The following CNTN5 variants were observed in gnomAD, a reference collection of about 807,000 sequenced individuals.
The protein encoded by CNTN5 is contactin-5.
In CNTN5, 77 loss-of-function variants were observed where a neutral mutation model predicts 129.1. That is an observed-to-expected ratio of 0.60 (90% confidence interval 0.50 to 0.72). The LOEUF is 0.72. Ranked by LOEUF, CNTN5 falls within the 30% of genes least tolerant of loss-of-function variation. The pLI, the probability that CNTN5 is intolerant of heterozygous loss-of-function variation, is 0.00. For missense variants in CNTN5, 1,478 were observed against 1,328.8 expected (o/e 1.11, Z -1.75); for synonymous variants, 509 against 465.6 (o/e 1.09, Z -1.20).
intron 3 of CNTN5, among the ~76,000 whole-genome samples, chr11:99,711,923 A>G (rs777560039): frequency 2.6e-5 from 4 of 152,130 alleles, no homozygotes; most frequent in African/African-American, 9.6e-5. Flanking sequence ...GCTATTGTGA[A>G]TCGTGCTGCA....
Position 100,082,316 on chromosome 11 carries a change from A to G in CNTN5, c.1580+8022A>G, listed in dbSNP as rs562806855. ...GCTTTTATTGAGATAGGGTCTCACA[A>G]TGTCACCCAAGCTGGAGTGCAGTGG... On this transcript the variant is annotated intron_variant, in intron 13 of 24. Coordinates refer to ENST00000524871, the MANE Select transcript of CNTN5 (RefSeq NM_014361.4). Among the ~76,000 whole-genome samples the G allele has an allele frequency of 2.6e-5, 4 of 152,260 alleles. No individual in the cohort carries two copies. In the South Asian group the frequency reaches 6.2e-4, roughly 24 times the overall value.
chr11:100,159,699 TCGTTAG>T (rs1947376333), intron 13 of CNTN5, among the ~76,000 whole-genome samples: 1 of 151,846 alleles, frequency 6.6e-6, no homozygotes, highest in Non-Finnish European at 1.5e-5. Flanking sequence ...GTGACAAAGG[TCGTTAG>T]GTTCTCCTTC....
chr11:99,323,196 C>T (rs1865639910), intron 1 of CNTN5, among the ~76,000 whole-genome samples: 1 of 152,096 alleles, frequency 6.6e-6, no homozygotes, highest in Non-Finnish European at 1.5e-5. Flanking sequence ...TAGGATCTGA[C>T]ATCATTACCC....
chr11:100,000,020 G>T (rs901013569), intron 8 of CNTN5, among the ~76,000 whole-genome samples: 2 of 149,256 alleles, frequency 1.3e-5, no homozygotes, highest in African/African-American at 2.5e-5. Context: ...GGTGTGGGGA[G>T]CGGGGAGGGA....
At chr11:99,198,667 A>T (rs1859024126) in intron 1 of CNTN5, among the ~76,000 whole-genome samples, 1 of 152,178 alleles carries the variant, frequency 6.6e-6, no homozygotes, top group Non-Finnish European at 1.5e-5. Flanking sequence ...ATTATATATA[A>T]AATATTGCAG....
At chr11:99,935,480 T>G (rs189384010) in intron 7 of CNTN5, among the ~76,000 whole-genome samples, 1 of 152,194 alleles carries the variant, frequency 6.6e-6, no homozygotes, top group African/African-American at 2.4e-5. Flanking sequence ...TAATCTCTAA[T>G]CTGATACTAG....
intron 2 of CNTN5, among the ~76,000 whole-genome samples, chr11:99,376,930 G>T (rs1177605634): frequency 1.3e-5 from 2 of 152,086 alleles, no homozygotes; most frequent in African/African-American, 4.8e-5. Flanking sequence ...TTAACTTTTT[G>T]CAGGAAGAGA....
At chr11:99,468,245 A>G (rs2515379) in intron 2 of CNTN5, among the ~76,000 whole-genome samples, 149,813 of 152,212 alleles carry the variant, frequency 0.98, 73,776 homozygotes, top group East Asian at 1. Context: ...ATAAGTATAC[A>G]TGTCTCCATT....
intron 3 of CNTN5, among the ~76,000 whole-genome samples, chr11:99,595,304 C>T (rs1457046791): frequency 2.0e-5 from 3 of 152,176 alleles, no homozygotes; most frequent in African/African-American, 7.2e-5. Flanking sequence ...TGCACTGAAA[C>T]ATCACAGTGT....
chr11:99,873,279 A>AT (rs1385265722), intron 6 of CNTN5, among the ~76,000 whole-genome samples: 1 of 152,048 alleles, frequency 6.6e-6, no homozygotes, highest in Non-Finnish European at 1.5e-5. Context: ...TTAAAAAAAA[A>AT]ATACGCCTTT....
chr11:99,642,549 G>A (rs1468444813), intron 3 of CNTN5, among the ~76,000 whole-genome samples: 1 of 152,146 alleles, frequency 6.6e-6, no homozygotes, highest in Non-Finnish European at 1.5e-5. Context: ...TATACATCGT[G>A]TAATGAACAA....
intron 9 of CNTN5, among the ~76,000 whole-genome samples, chr11:100,030,262 C>G (rs540124642): frequency 6.6e-6 from 1 of 152,118 alleles, no homozygotes; most frequent in Non-Finnish European, 1.5e-5. Flanking sequence ...ATCTGTAGTT[C>G]CAGCTACCCA....
At chr11:99,580,734 A>C (rs1949551945) in intron 3 of CNTN5, among the ~76,000 whole-genome samples, 1 of 148,064 alleles carries the variant, frequency 6.8e-6, no homozygotes, top group East Asian at 2.0e-4. Flanking sequence ...CTTCTTTATT[A>C]GTCTTGCTAA....
chr11:99,926,148 C>A (rs1950057081), intron 7 of CNTN5, among the ~76,000 whole-genome samples: 1 of 152,146 alleles, frequency 6.6e-6, no homozygotes, highest in African/African-American at 2.4e-5. Flanking sequence ...GATAATCTGT[C>A]TTCAAAAACC....
rs549137475 is a variant in CNTN5, at chr11:99,373,539, C to A, written c.-71+48055C>A. Among the ~76,000 whole-genome samples the A allele has an allele frequency of 1.6e-4, 25 of 151,918 alleles. No individual in the cohort carries two copies. The East Asian group carries it at 4.9e-3, about 29-fold the overall frequency. ...GACCAGCTTGACCAATATGGAGAAA[C>A]CCTGTCTCTACTAAAAATACAAAAT... On this transcript the variant is annotated intron_variant, in intron 2 of 24. Coordinates refer to ENST00000524871, the MANE Select transcript of CNTN5 (RefSeq NM_014361.4).
chr11:99,213,346 T>C (rs1202840506), intron 1 of CNTN5, among the ~76,000 whole-genome samples: 1 of 125,936 alleles, frequency 7.9e-6, no homozygotes, highest in African/African-American at 2.8e-5. Context: ...ATATATAAAA[T>C]ATTATATATG....
chr11:100,320,129 T>C (rs2138957861), intron 21 of CNTN5, among the ~76,000 whole-genome samples: 1 of 152,318 alleles, frequency 6.6e-6, no homozygotes, highest in Admixed American at 6.5e-5. Flanking sequence ...GGGGGGAGCC[T>C]CCATACTGTT....
chr11:100,279,469 C>G (rs1950584870), intron 18 of CNTN5, among the ~76,000 whole-genome samples: 1 of 150,982 alleles, frequency 6.6e-6, no homozygotes, highest in Non-Finnish European at 1.5e-5. Flanking sequence ...TCTGGATGCC[C>G]ATTTATTACA....
At chr11:99,447,051 CA>C (rs1456929033) in intron 2 of CNTN5, among the ~76,000 whole-genome samples, 14 of 152,200 alleles carry the variant, frequency 9.2e-5, no homozygotes, top group Admixed American at 8.5e-4. Flanking sequence ...TGGGCTGTAA[CA>C]AAGGGAGAAG....
Sources: gnomAD v4.1 joint callset for allele counts (sites outside exome capture counted in the v4.1 genomes callset) on GRCh38, gnomAD v4.1.1 for gene constraint, MANE v1.5 for transcripts, NCBI Gene and HGNC (gene_info 2026-07-23, HGNC 2026-07-21) for gene names.